The following TRAPPC8 variants were observed in gnomAD, a reference collection of about 807,000 sequenced individuals.
TRAPPC8 encodes the protein trafficking protein particle complex subunit 8, also known as general sporulation gene 1 homolog.
Under a neutral mutation model 174.3 loss-of-function variants are expected in TRAPPC8, and 54 were observed. The ratio of observed to expected loss-of-function variants is 0.31; its 90% CI spans 0.25 to 0.39. The LOEUF is 0.39. TRAPPC8 is among the 10% of genes least tolerant of loss of function. The pLI is 1.00. For synonymous variants in TRAPPC8, 630 were observed against 579.9 expected (o/e 1.09, Z -1.24); for missense variants, 1,531 against 1,699.1 (o/e 0.90, Z 1.74).
intron 12 of TRAPPC8, among the ~76,000 whole-genome samples, chr18:31,879,084 CAAAG>C: frequency 6.6e-6 from 1 of 152,288 alleles, no homozygotes; most frequent in South Asian, 2.1e-4. Context: ...AGAAAACTAA[CAAAG>C]AAACTCTGGA....
chr18:31,924,834 C>A (rs973538352), intron 2 of TRAPPC8, among the ~76,000 whole-genome samples: 25 of 151,570 alleles, frequency 1.6e-4, no homozygotes, highest in Admixed American at 5.9e-4. Flanking sequence ...TCAATCCTCC[C>A]GTATGAGGAG....
intron 13 of TRAPPC8, 85 bp from the exon 14 acceptor site, chr18:31,873,623 A>T: frequency 1.2e-6 from 1 of 856,446 alleles, no homozygotes; most frequent in Non-Finnish European, 1.8e-6. Context: ...TACACAAGGC[A>T]TTAAAAATAT....
At chr18:31,876,472 A>G (rs981596964) in intron 12 of TRAPPC8, among the ~76,000 whole-genome samples, 8 of 129,566 alleles carry the variant, frequency 6.2e-5, no homozygotes, top group African/African-American at 2.2e-4. Flanking sequence ...CCTGGGCTAC[A>G]CTGCGAGACT....
chr18:31,939,018 T>C (rs765485234), intron 1 of TRAPPC8, among the ~76,000 whole-genome samples: 2 of 140,154 alleles, frequency 1.4e-5, no homozygotes, highest in Non-Finnish European at 3.0e-5. Context: ...AGGCGGAGCT[T>C]GCAGTGAGCC....
At chr18:31,838,950 T>A (rs962166478) in intron 27 of TRAPPC8, among the ~76,000 whole-genome samples, 1 of 152,302 alleles carries the variant, frequency 6.6e-6, no homozygotes, top group Non-Finnish European at 1.5e-5. Context: ...CCAAAATTCA[T>A]ACCTTCAATT....
At position 31,829,285 on chromosome 18, in the gene TRAPPC8, G is replaced by A. The variant is rs912669023; in HGVS notation, c.*1470C>T. The A allele has an allele frequency of 1.3e-5, 2 of 152,066 alleles. No homozygotes were observed. Among genetic ancestry groups the A allele is most frequent in the African/African-American group, 4.8e-5 (2 of 41,400 alleles). 9.4% of individuals were successfully genotyped at this position (152,066 alleles called of 1,614,324 possible). A position where few individuals can be genotyped will look rare whatever the true frequency, so the allele number is the denominator to read the frequency against. The stretch of plus-strand genomic sequence containing the variant: ...TTTTATTAGTGTCTGTTTAACAATC[G>A]GTTCAATTTAATATTCAGCTGAGTG... On this transcript the variant is annotated 3_prime_UTR_variant, in exon 29 of 29. Transcript: ENST00000283351.
chr18:31,839,545 A>T, intron 26 of TRAPPC8, 88 bp from the exon 27 acceptor site: 1 of 1,239,924 alleles, frequency 8.1e-7, no homozygotes. Flanking sequence ...ACAAAAGTTA[A>T]AATCAGCAGA....
At chr18:31,899,013 T>C (rs1329017799) in intron 10 of TRAPPC8, among the ~76,000 whole-genome samples, 1 of 152,164 alleles carries the variant, frequency 6.6e-6, no homozygotes, top group Non-Finnish European at 1.5e-5. Context: ...TTTCAAAAAT[T>C]CAAAAATTAC....
At chr18:31,871,181 A>T in intron 14 of TRAPPC8, 61 bp from the exon 15 acceptor site, 2 of 991,422 alleles carry the variant, frequency 2.0e-6, no homozygotes, top group Non-Finnish European at 2.9e-6. Flanking sequence ...AACATATTTT[A>T]AATAGACATA....
At chr18:31,858,531 T>C (rs370996812) in intron 19 of TRAPPC8, among the ~76,000 whole-genome samples, 104 of 152,302 alleles carry the variant, frequency 6.8e-4, no homozygotes, top group Admixed American at 1.4e-3. Flanking sequence ...CCTGACCTAA[T>C]AGAGGCTTTT....
At chr18:31,870,873 C>A in intron 15 of TRAPPC8, 53 bp downstream of exon 15, 4 of 1,377,986 alleles carry the variant, frequency 2.9e-6, no homozygotes, top group Non-Finnish European at 3.9e-6. Flanking sequence ...TTATCTTCAT[C>A]ATGCTGTAAG....
In TRAPPC8 at chr18:31,881,983, G is replaced by A. The variant is rs113252489; in HGVS notation, c.1729-7279C>T. On this transcript the variant is annotated intron_variant, in intron 12 of 28. Transcript: ENST00000283351. ...ATTTTAAAAGGCTATGGAGAAAACA[G>A]AACAGTTATACACTGTTGGTGGGAA... 3.0e-3 allele frequency among the ~76,000 whole-genome samples: 456 copies of A among 152,208 alleles called. 2 individuals are homozygous for A. Among genetic ancestry groups the A allele is most frequent in the African/African-American group, 9.6e-3 (398 of 41,552 alleles).
chr18:31,931,630 C>A, intron 1 of TRAPPC8, 107 bp from the exon 2 acceptor site: 3 of 780,814 alleles, frequency 3.8e-6, no homozygotes, highest in Non-Finnish European at 5.7e-6. Context: ...AAGCAGAAGC[C>A]AGCAATTCCA....
intron 2 of TRAPPC8, among the ~76,000 whole-genome samples, chr18:31,923,680 CT>C (rs755899856): frequency 0.028 from 4,204 of 151,276 alleles, 81 homozygotes; most frequent in Middle Eastern, 0.059. Context: ...GTATCTCATT[CT>C]CAGTCTTCAT....
intron 2 of TRAPPC8, among the ~76,000 whole-genome samples, chr18:31,925,747 AG>A (rs1335969377): frequency 2.6e-5 from 4 of 152,280 alleles, no homozygotes; most frequent in Middle Eastern, 3.4e-3. Context: ...TAACAGCTGG[AG>A]GGCTGGGGGT....
intron 12 of TRAPPC8, among the ~76,000 whole-genome samples, chr18:31,882,416 C>T (rs1230272077): frequency 6.6e-6 from 1 of 151,522 alleles, no homozygotes; most frequent in Non-Finnish European, 1.5e-5. Flanking sequence ...CATGCACGGA[C>T]ATAAAGAGGA....
chr18:31,934,040 T>C (rs1158354536), intron 1 of TRAPPC8, among the ~76,000 whole-genome samples: 2 of 151,886 alleles, frequency 1.3e-5, no homozygotes, highest in African/African-American at 4.8e-5. Flanking sequence ...ATACAAAAAT[T>C]AGCCAGGCAT....
intron 9 of TRAPPC8, among the ~76,000 whole-genome samples, chr18:31,902,456 A>G (rs1221564850): frequency 6.6e-6 from 1 of 152,192 alleles, no homozygotes; most frequent in East Asian, 1.9e-4. Context: ...GTTCTCCCAG[A>G]TATTCTGCCT....
Position 31,866,933 on chromosome 18 carries a change from T to C in TRAPPC8, c.2506A>G (p.Ile836Val). 1 of 1,613,712 alleles carries C rather than the reference T, an allele frequency of 6.2e-7. No individual in the cohort carries two copies. Among genetic ancestry groups the C allele is most frequent in the South Asian group, 1.1e-5 (1 of 91,074 alleles). The change falls in exon 18 of 29, where the codon ATT becomes GTT. Residue 836 changes from isoleucine to valine, a missense_variant. Physicochemically the swap from Ile to Val is conservative, Grantham distance 29. Transcript: ENST00000283351. ...CCAAGATTATAAACAACTCCCAGAA[T>C]ATGCAGCTCCCCTATGTGATGGGGA... is the stretch of plus-strand genomic sequence containing the variant. ...LFPHHIGELH[I>V]LGVVYNLGTI...
Sources: gnomAD v4.1 joint callset for allele counts (sites outside exome capture counted in the v4.1 genomes callset) on GRCh38, gnomAD v4.1.1 for gene constraint, MANE v1.5 for transcripts, NCBI Gene and HGNC (gene_info 2026-07-23, HGNC 2026-07-21) for gene names.